SERAC1: variants seen among roughly 807,000 people sequenced by gnomAD.
SERAC1 encodes serine active site containing 1, also known as protein SERAC1.
A neutral mutation model predicts 85.7 loss-of-function variants in SERAC1; 36 were observed. The ratio of observed to expected loss-of-function variants is 0.42; its 90% CI spans 0.32 to 0.55. The LOEUF is 0.55. Among genes scored for constraint, SERAC1 ranks in the 20% least tolerant of loss-of-function variants. The probability of loss-of-function intolerance (pLI) is 0.11; values close to 1 mark genes in which losing one functional copy is unlikely to be tolerated. For missense variants in SERAC1, 629 were observed against 796.2 expected, an observed-to-expected ratio of 0.79 and a Z score of 2.53; for synonymous variants, 242 against 265.3, an observed-to-expected ratio of 0.91 and a Z score of 0.85.
intron 1 of SERAC1, among the ~76,000 whole-genome samples, chr6:158,159,787 A>C (rs1785444447): frequency 6.6e-6 from 1 of 151,822 alleles, no homozygotes; most frequent in African/African-American, 2.4e-5. Flanking sequence ...ACCACACTCA[A>C]CTAATTTTTT....
At chr6:158,112,500 T>C (rs1413628655) in intron 16 of SERAC1, 1 of 152,092 alleles carries the variant, frequency 6.6e-6, no homozygotes, top group African/African-American at 2.4e-5. Context: ...TTGGAACTCT[T>C]CAAGTTCTTC....
chr6:158,145,424 T>C (rs1417208837), intron 6 of SERAC1: 1 of 152,114 alleles, frequency 6.6e-6, no homozygotes, highest in Non-Finnish European at 1.5e-5. Context: ...TAAGTAAGCT[T>C]ATACTTACAT....
At chr6:158,144,277 C>T (rs1419890027) in intron 7 of SERAC1, 22 bp downstream of exon 7, 5 of 1,577,772 alleles carry the variant, frequency 3.2e-6, no homozygotes, top group Non-Finnish European at 4.3e-6. Flanking sequence ...CTCTAAATTA[C>T]TATTATTATT....
At chr6:158,145,403 TCCA>T (rs1229180577) in intron 6 of SERAC1, 1 of 152,020 alleles carries the variant, frequency 6.6e-6, no homozygotes, top group Non-Finnish European at 1.5e-5. Context: ...ATTCTAAATC[TCCA>T]CCAACATTAA....
intron 6 of SERAC1, 22 bp downstream of exon 6, chr6:158,146,760 C>G (rs1389824577): frequency 1.9e-6 from 3 of 1,612,208 alleles, no homozygotes; most frequent in African/African-American, 1.3e-5. Context: ...AGGCATGCCA[C>G]CTGTTCAGGT....
chr6:158,143,337 CTCTCTCTCTCTATA>C (rs1290055185), intron 7 of SERAC1, among the ~76,000 whole-genome samples, 153 bp from the exon 8 acceptor site: 12 of 30,612 alleles, frequency 3.9e-4, no homozygotes, highest in East Asian at 1.6e-3. Flanking sequence ...CTCTCTCTCT[CTCTCTCTCTCTATA>C]TATATATATA....
In SERAC1 at chr6:158,117,963, AAC is replaced by A; in HGVS notation, c.1309-144_1309-143del. The A allele has an allele frequency of 1.5e-6, 1 of 652,578 alleles. No individual in the cohort carries two copies. The highest frequency in any genetic ancestry group is 2.0e-5 in the South Asian group (1 of 50,402). 40.4% of individuals were successfully genotyped at this position (652,578 alleles called of 1,614,324 possible). ...GAATAAGGTTTGAAGGTACCGTAAA[AAC>A]AATTCCAGCACTATCTTTTCAAGTC... On this transcript the variant is annotated intron_variant, in intron 12 of 16. Coordinates refer to ENST00000647468, the MANE Select transcript of SERAC1 (RefSeq NM_032861.4). This position sits in a 1 kb window ranked among gnomAD's most constrained non-coding sequence, Gnocchi z 4.3.
chr6:158,136,995 T>C (rs191111996), intron 8 of SERAC1, among the ~76,000 whole-genome samples: 1 of 151,938 alleles, frequency 6.6e-6, no homozygotes, highest in African/African-American at 2.4e-5. Context: ...CCGTCTCTAC[T>C]AAAAATACAA....
intron 10 of SERAC1, among the ~76,000 whole-genome samples, chr6:158,126,808 T>C (rs905380715): frequency 5.3e-5 from 8 of 152,130 alleles, no homozygotes; most frequent in African/African-American, 1.4e-4. Flanking sequence ...CTCAACACTA[T>C]GGGAGGCCAA....
intron 8 of SERAC1, among the ~76,000 whole-genome samples, chr6:158,136,396 G>T (rs2128417751): frequency 6.6e-6 from 1 of 152,282 alleles, no homozygotes; most frequent in African/African-American, 2.4e-5. Context: ...GGAGTCCATG[G>T]TATTCAAAGG....
chr6:158,165,750 T>A lies in SERAC1; in HGVS notation c.-2+2390A>T, dbSNP rs552793991. Among the ~76,000 whole-genome samples the A allele has an allele frequency of 2.6e-4, 39 of 152,298 alleles. 1 individual carries two copies. Among genetic ancestry groups the A allele is most frequent in the African/African-American group, 8.2e-4 (34 of 41,564 alleles). ...CCTTGATTCCTTGTTTTCCCCTTAC[T>A]CTACATCTAAACCACGCAGAGTTGC... On this transcript the variant is annotated intron_variant, in intron 1 of 16. Transcript: ENST00000647468.
chr6:158,158,751 T>C (rs1785416792), intron 1 of SERAC1: 1 of 161,658 alleles, frequency 6.2e-6, no homozygotes, highest in Non-Finnish European at 1.4e-5. Flanking sequence ...AATATATGTA[T>C]ATATGTATTT....
chr6:158,130,430 T>G lies in SERAC1; in HGVS notation c.795A>C (p.Glu265Asp). Residue 265 changes from glutamate to aspartate, a missense_variant, in exon 9 of 17, where the codon GAA becomes GAC. Physicochemically the swap from Glu to Asp is conservative, Grantham distance 45. Transcript: ENST00000647468. ...NGLPYAESFGEVPSATVEMFC... is the reference protein window; with the variant it reads ...NGLPYAESFGDVPSATVEMFC... ...ACATTTCCACTGTTGCTGAAGGAAC[T>G]TCTCCAAAACTTTCAGCATAAGGAA... 1 of 1,604,520 alleles carries G rather than the reference T, an allele frequency of 6.2e-7. No homozygotes were observed.
intron 9 of SERAC1, among the ~76,000 whole-genome samples, chr6:158,129,061 G>A (rs1458762970): frequency 2.6e-5 from 4 of 152,120 alleles, no homozygotes; most frequent in Non-Finnish European, 4.4e-5. Context: ...GCCTTAAAAT[G>A]TATGCCTTTT....
At chr6:158,143,337 CTCTCTCTCTCTA>C (rs1453824841) in intron 7 of SERAC1, among the ~76,000 whole-genome samples, 153 bp from the exon 8 acceptor site, 356 of 30,572 alleles carry the variant, frequency 0.012, 2 homozygotes, top group Middle Eastern at 0.026. Flanking sequence ...CTCTCTCTCT[CTCTCTCTCTCTA>C]TATATATATA....
At chr6:158,115,377 GT>G (rs1047129084) in intron 14 of SERAC1, among the ~76,000 whole-genome samples, 1 of 152,210 alleles carries the variant, frequency 6.6e-6, no homozygotes, top group Non-Finnish European at 1.5e-5. Context: ...ACAGCACACA[GT>G]CCCCCATGGA....
chr6:158,117,423 C>G lies in SERAC1; in HGVS notation c.1403+304G>C. 8.0e-7 allele frequency: 1 copy of G among 1,248,802 alleles called. No individual in the cohort carries two copies. The highest frequency in any genetic ancestry group is 1.5e-5 in the African/African-American group (1 of 65,806). The allele number at this position is 1,248,802 out of a possible 1,614,324, so 77.4% of individuals were successfully genotyped here. A position where few individuals can be genotyped will look rare whatever the true frequency, so the allele number is the denominator to read the frequency against. ...GATTGTGGACACAAGAACAAAAAAA[C>G]ATCACTTTTACTTCTGATAGAAAAG... is the stretch of plus-strand genomic sequence containing the variant. On this transcript the variant is annotated intron_variant, in intron 13 of 16. Coordinates refer to ENST00000647468, the MANE Select transcript of SERAC1 (RefSeq NM_032861.4). This position sits in a 1 kb window ranked among gnomAD's most constrained non-coding sequence, Gnocchi z 4.3.
intron 3 of SERAC1, among the ~76,000 whole-genome samples, chr6:158,153,796 A>G (rs943556176): frequency 4.6e-5 from 7 of 152,094 alleles, no homozygotes; most frequent in Non-Finnish European, 8.8e-5. Flanking sequence ...AAGTCCAGAT[A>G]CTAGCTAGCA....
At chr6:158,157,519 G>A (rs1438765250) in intron 2 of SERAC1, among the ~76,000 whole-genome samples, 1 of 152,136 alleles carries the variant, frequency 6.6e-6, no homozygotes, top group East Asian at 1.9e-4. Flanking sequence ...TGTATTCTTA[G>A]GGCCTAGAAT....
Sources: allele counts gnomAD v4.1 joint callset (sites outside exome capture counted in the v4.1 genomes callset), GRCh38; gene constraint gnomAD v4.1.1; non-coding constraint Gnocchi (gnomAD v3.1); transcripts MANE v1.5; gene names NCBI Gene and HGNC (gene_info 2026-07-23, HGNC 2026-07-21).